ADCY7: variants seen among roughly 807,000 people sequenced by gnomAD.
The protein encoded by ADCY7 is adenylate cyclase 7, also known as adenylate cyclase type 7.
Under a neutral mutation model 120.6 loss-of-function variants are expected in ADCY7, and 72 were observed. The observed-to-expected ratio is 0.60, with a 90% CI of 0.49 to 0.73. The LOEUF (loss-of-function observed/expected upper bound fraction) is 0.73, where lower values mean the gene tolerates loss of function less well. ADCY7 is among the 30% of genes least tolerant of loss of function. The probability of loss-of-function intolerance (pLI) is 0.00; values close to 1 mark genes in which losing one functional copy is unlikely to be tolerated. For missense variants in ADCY7, 1,227 were observed against 1,486.0 expected (o/e 0.83, Z 2.87); for synonymous variants, 661 against 628.0 (o/e 1.05, Z -0.78).
chr16:50,284,146 A>T (rs1032193640), intron 1 of ADCY7, among the ~76,000 whole-genome samples: 6 of 151,920 alleles, frequency 3.9e-5, no homozygotes, highest in Non-Finnish European at 8.8e-5. Context: ...CCTAGGGAGG[A>T]GCTGGCCTGG....
At chr16:50,298,883 G>T in intron 7 of ADCY7, 21 bp from the exon 8 acceptor site, 1 of 1,609,372 alleles carries the variant, frequency 6.2e-7, no homozygotes. Context: ...CCAGTGACCA[G>T]GCCCTTCCCT....
At chr16:50,291,433 C>T (rs553540081) in intron 3 of ADCY7, among the ~76,000 whole-genome samples, 34 of 152,200 alleles carry the variant, frequency 2.2e-4, no homozygotes, top group African/African-American at 8.2e-4. Flanking sequence ...TTCTGCTGAG[C>T]GAGAACCACG....
Position 50,297,935 on chromosome 16 carries a change from C to T in ADCY7, c.949-969C>T, listed in dbSNP as rs1188175181. 6.6e-6 allele frequency among the ~76,000 whole-genome samples: 1 copy of T among 152,032 alleles called. No individual in the cohort carries two copies. The highest frequency in any genetic ancestry group is 6.6e-5 in the Admixed American group (1 of 15,266). ...CGCTCCTTCTTCAGCTCCCCTAAAG[C>T]CCCACCCATGAGGCCTCGGTGCATG... On this transcript the variant is annotated intron_variant, in intron 7 of 25. Coordinates refer to ENST00000673801, the MANE Select transcript of ADCY7 (RefSeq NM_001114.5). The surrounding 1 kb of genome is among the most constrained non-coding windows in gnomAD (Gnocchi z 4.4).
At chr16:50,276,677 C>A (rs576435040) in intron 1 of ADCY7, among the ~76,000 whole-genome samples, 216 of 152,274 alleles carry the variant, frequency 1.4e-3, no homozygotes, top group Non-Finnish European at 2.5e-3. Flanking sequence ...CTTGCTGCAG[C>A]CTTAACCTGA....
upstream of ADCY7, among the ~76,000 whole-genome samples, chr16:50,262,282 G>A (rs1205214307): frequency 2.0e-5 from 3 of 149,464 alleles, no homozygotes; most frequent in Non-Finnish European, 4.4e-5. Context: ...TTTTGAGACA[G>A]GGTCTCACTT....
At chr16:50,251,937 G>A (rs576259888) in intron 1 of ADCY7, among the ~76,000 whole-genome samples, 1 of 152,232 alleles carries the variant, frequency 6.6e-6, no homozygotes, top group Non-Finnish European at 1.5e-5. Context: ...GTGTGTGTGG[G>A]CAATGGCTGG....
chr16:50,304,153 C>G (rs973607513), intron 10 of ADCY7, among the ~76,000 whole-genome samples: 1 of 152,160 alleles, frequency 6.6e-6, no homozygotes, highest in African/African-American at 2.4e-5. Flanking sequence ...ATGGCCTGGC[C>G]TCAGAGTGCA....
chr16:50,311,690 C>G lies in ADCY7; in HGVS notation c.2355-3C>G. On this transcript the variant is annotated splice_region_variant and splice_polypyrimidine_tract_variant and intron_variant, in intron 19 of 25. Transcript: ENST00000673801. The stretch of plus-strand genomic sequence containing the variant: ...AGTGACTTGGGCCTCCCTTCGCATT[C>G]AGTGGCACCCCTAGCTGTTCCTGGA... 1 of 1,611,726 alleles carries G rather than the reference C, an allele frequency of 6.2e-7. No individual in the cohort carries two copies. The highest frequency in any genetic ancestry group is 8.5e-7 in the Non-Finnish European group (1 of 1,178,140).
At position 50,318,135 on chromosome 16, in the gene ADCY7, A is replaced by C. The variant is rs1000713702; in HGVS notation, c.*2630A>C. 1.3e-5 allele frequency: 2 copies of C among 152,274 alleles called. No homozygotes were observed. The highest frequency in any genetic ancestry group is 6.5e-5 in the Admixed American group (1 of 15,286). The allele number at this position is 152,274 out of a possible 1,614,324, so 9.4% of individuals were successfully genotyped here. A position where few individuals can be genotyped will look rare whatever the true frequency, so the allele number is the denominator to read the frequency against. On this transcript the variant is annotated 3_prime_UTR_variant, in exon 26 of 26. Coordinates refer to ENST00000673801, the MANE Select transcript of ADCY7 (RefSeq NM_001114.5). The stretch of plus-strand genomic sequence containing the variant: ...TAAATTAGCAATTTGAAAAACTCAA[A>C]TATCTGAAGGTATTTTATTTTCGTG...
Position 50,308,419 on chromosome 16 carries a change from G to A in ADCY7, c.1935+8G>A. ...TTTGCCACCAAGTTCTCGGTAAGTG[G>A]GGAGCTCTGGCCCCGCGGGCCCTCC... On this transcript the variant is annotated splice_region_variant and intron_variant, in intron 16 of 25. Transcript: ENST00000673801. The A allele has an allele frequency of 6.2e-7, 1 of 1,614,006 alleles. No individual in the cohort carries two copies. Among genetic ancestry groups the A allele is most frequent in the Non-Finnish European group, 8.5e-7 (1 of 1,180,010 alleles).
rs200860943 is a variant in ADCY7 at position 50,298,887 on chromosome 16, C to T, written c.949-17C>T. ...CCCCACATCTTCCAGTGACCAGGCC[C>T]TTCCCTCACCCTGCAGGCCAACGAG... On this transcript the variant is annotated splice_polypyrimidine_tract_variant and intron_variant, in intron 7 of 25. Transcript: ENST00000673801. 9 of 1,610,318 alleles carry T rather than the reference C, an allele frequency of 5.6e-6. No homozygotes were observed. Among genetic ancestry groups the T allele is most frequent in the Non-Finnish European group, 7.6e-6 (9 of 1,177,542 alleles).
chr16:50,296,450 C>T (rs933699869), intron 7 of ADCY7, among the ~76,000 whole-genome samples: 2 of 151,744 alleles, frequency 1.3e-5, no homozygotes, highest in African/African-American at 4.8e-5. Context: ...AGCTCCGCCT[C>T]CCGGGTTCAC....
chr16:50,248,628 G>A (rs371306179), intron 1 of ADCY7, among the ~76,000 whole-genome samples: 2 of 152,320 alleles, frequency 1.3e-5, no homozygotes, highest in African/African-American at 4.8e-5. Context: ...TTATTTAGTC[G>A]TGCTTTCTGT....
chr16:50,296,941 C>T (rs2035391345), intron 7 of ADCY7, among the ~76,000 whole-genome samples: 1 of 152,226 alleles, frequency 6.6e-6, no homozygotes, highest in Non-Finnish European at 1.5e-5. Flanking sequence ...ATCTGCATGG[C>T]TTCTGAACCA....
chr16:50,302,838 G>T (rs1040371659), intron 10 of ADCY7, among the ~76,000 whole-genome samples: 1 of 152,178 alleles, frequency 6.6e-6, no homozygotes, highest in African/African-American at 2.4e-5. Context: ...CATCCCTCCT[G>T]TGTGCAGGGT....
At position 50,294,475 on chromosome 16, in the gene ADCY7, A is replaced by G. The variant is rs141841660; in HGVS notation, c.837-165A>G. 3.4e-3 allele frequency among the ~76,000 whole-genome samples: 519 copies of G among 152,192 alleles called. 6 individuals carry two copies. The highest frequency in any genetic ancestry group is 0.012 in the African/African-American group (490 of 41,530). The stretch of plus-strand genomic sequence containing the variant: ...GCCCCTGGAACTTTAATCTGTCTCT[A>G]TGGCTGGGCGCGACTCTCCCATCCC... On this transcript the variant is annotated intron_variant, in intron 6 of 25. Coordinates refer to ENST00000673801, the MANE Select transcript of ADCY7 (RefSeq NM_001114.5).
intron 1 of ADCY7, among the ~76,000 whole-genome samples, chr16:50,249,323 C>A (rs540347560): frequency 6.6e-6 from 1 of 152,182 alleles, no homozygotes; most frequent in Non-Finnish European, 1.5e-5. Flanking sequence ...GCCTGTAGTC[C>A]CAGCTACTTG....
At chr16:50,271,773 C>G (rs1409224103) in intron 1 of ADCY7, among the ~76,000 whole-genome samples, 1 of 152,178 alleles carries the variant, frequency 6.6e-6, no homozygotes, top group East Asian at 1.9e-4. Flanking sequence ...GCTGTGTCCT[C>G]CAGGTGAGGG....
At chr16:50,273,951 A>G (rs1054800990) in intron 1 of ADCY7, among the ~76,000 whole-genome samples, 14 of 152,136 alleles carry the variant, frequency 9.2e-5, no homozygotes, top group African/African-American at 3.4e-4. Flanking sequence ...TGGGGAAGCT[A>G]AGGAACAAGG....
Sources: allele counts gnomAD v4.1 joint callset (sites outside exome capture counted in the v4.1 genomes callset), GRCh38; gene constraint gnomAD v4.1.1; non-coding constraint Gnocchi (gnomAD v3.1); transcripts MANE v1.5; gene names NCBI Gene and HGNC (gene_info 2026-07-23, HGNC 2026-07-21).